The following TEX48 variants were observed in gnomAD, a reference collection of about 807,000 sequenced individuals.
The protein encoded by TEX48 is testis expressed 48.
A neutral mutation model predicts 13.2 loss-of-function variants in TEX48; 10 were observed. The ratio of observed to expected loss-of-function variants is 0.75; its 90% CI spans 0.47 to 1.28. The LOEUF (loss-of-function observed/expected upper bound fraction) is 1.28, where lower values mean the gene tolerates loss of function less well. Among genes scored for constraint, TEX48 ranks in the 50% most tolerant of loss-of-function variants. TEX48 has a pLI of 0.00. For synonymous variants in TEX48, 45 were observed against 52.3 expected, an observed-to-expected ratio of 0.86 and a Z score of 0.60; for missense variants, 116 against 139.4, an observed-to-expected ratio of 0.83 and a Z score of 0.84.
intron 1 of TEX48, among the ~76,000 whole-genome samples, chr9:114,680,454 G>A (rs1252380791): frequency 6.6e-6 from 1 of 152,150 alleles, no homozygotes; most frequent in Non-Finnish European, 1.5e-5. Flanking sequence ...GCATCATTCA[G>A]GTTCTGTTGT....
rs896118783 is a variant in TEX48 at position 114,671,581 on chromosome 9, T to G, written c.5-76A>C. On this transcript the variant is annotated intron_variant, in intron 2 of 4. Transcript: ENST00000436752. ...GATGCCTATTGGAAATTGACTGTGG[T>G]GGGGGTATCATTGGGTCAGCCTCTC... The G allele has an allele frequency of 1.4e-5, 21 of 1,529,124 alleles. No homozygotes were observed. In the Middle Eastern group the frequency reaches 6.7e-4, roughly 49 times the overall value. 94.7% of individuals were successfully genotyped at this position (1,529,124 alleles called of 1,614,324 possible). A position where few individuals can be genotyped will look rare whatever the true frequency, so the allele number is the denominator to read the frequency against.
chr9:114,666,678 A>G lies in TEX48; in HGVS notation c.328T>C (p.Trp110Arg). 6.5e-7 allele frequency: 1 copy of G among 1,535,222 alleles called. No homozygotes were observed. The part of the protein sequence containing the change: ...RNLNRYCQEH[W>R]PFQPCLTGRP ...CCAGTGAGGCATGGCTGGAATGGCC[A>G]GTGCTCCTGGCAGTAGCGGTTTAAG... Residue 110 changes from tryptophan (W) to arginine (R), a missense_variant, in exon 5 of 5, where the codon TGG (tryptophan) becomes CGG (arginine). Trp to Arg is a moderately radical substitution (Grantham distance 101). Coordinates refer to ENST00000436752, the MANE Select transcript of TEX48 (RefSeq NM_001199233.2).
intron 3 of TEX48, 126 bp downstream of exon 3, chr9:114,671,257 T>A: frequency 8.7e-7 from 1 of 1,148,214 alleles, no homozygotes. Flanking sequence ...AACACCCACC[T>A]CATTTTAAAT....
At chr9:114,673,458 T>G (rs12115811) in intron 1 of TEX48, among the ~76,000 whole-genome samples, 5,239 of 63,796 alleles carry the variant, frequency 0.082, 309 homozygotes, top group African/African-American at 0.29. Context: ...GCAAGAAGAA[T>G]AAAACTCTGT....
At chr9:114,669,777 C>G (rs1205018482) in intron 3 of TEX48, among the ~76,000 whole-genome samples, 1 of 151,994 alleles carries the variant, frequency 6.6e-6, no homozygotes, top group Non-Finnish European at 1.5e-5. Flanking sequence ...GTGGGATCTT[C>G]CCATGTTGCC....
intron 3 of TEX48, among the ~76,000 whole-genome samples, 200 bp downstream of exon 3, chr9:114,671,183 A>G (rs1827938962): frequency 6.6e-6 from 1 of 152,208 alleles, no homozygotes; most frequent in Non-Finnish European, 1.5e-5. Context: ...GCTGGCCCAT[A>G]GACTACACTT....
At chr9:114,674,636 TCC>T (rs1828024174) in intron 1 of TEX48, among the ~76,000 whole-genome samples, 1 of 135,134 alleles carries the variant, frequency 7.4e-6, no homozygotes, top group Admixed American at 7.8e-5. Flanking sequence ...CTTCCTTCCT[TCC>T]TTCCTTCCTT....
At chr9:114,671,314 C>T in intron 3 of TEX48, 69 bp downstream of exon 3, 1 of 1,505,828 alleles carries the variant, frequency 6.6e-7, no homozygotes, top group Non-Finnish European at 8.9e-7. Context: ...TGGGGGTATC[C>T]CAGCAGGCAG....
intron 1 of TEX48, among the ~76,000 whole-genome samples, chr9:114,681,439 G>C (rs2133770615): frequency 6.6e-6 from 1 of 152,268 alleles, no homozygotes; most frequent in Non-Finnish European, 1.5e-5. Context: ...GAGATCTACT[G>C]TTAGCTAGGA....
intron 1 of TEX48, among the ~76,000 whole-genome samples, chr9:114,675,231 G>T (rs1828040261): frequency 6.6e-6 from 1 of 152,188 alleles, no homozygotes; most frequent in Non-Finnish European, 1.5e-5. Context: ...GCAGTAGAGA[G>T]GTGGGTGGTA....
At chr9:114,670,480 A>T (rs1362858674) in intron 3 of TEX48, among the ~76,000 whole-genome samples, 1 of 142,320 alleles carries the variant, frequency 7.0e-6, no homozygotes, top group African/African-American at 2.6e-5. Flanking sequence ...GCTGATTTTG[A>T]CAATAGTGCT....
At chr9:114,675,318 C>G (rs1424624460) in intron 1 of TEX48, among the ~76,000 whole-genome samples, 1 of 152,192 alleles carries the variant, frequency 6.6e-6, no homozygotes, top group African/African-American at 2.4e-5. Flanking sequence ...CTGATGGTTT[C>G]ATGAGTCAAT....
intron 4 of TEX48, among the ~76,000 whole-genome samples, chr9:114,667,446 A>T (rs533544495): frequency 1.4e-4 from 21 of 152,130 alleles, no homozygotes; most frequent in African/African-American, 4.6e-4. Flanking sequence ...GTTGAACTAC[A>T]CTCAATCCAC....
At chr9:114,681,101 TTC>T (rs1828190611) in intron 1 of TEX48, among the ~76,000 whole-genome samples, 1 of 152,222 alleles carries the variant, frequency 6.6e-6, no homozygotes, top group African/African-American at 2.4e-5. Flanking sequence ...GTTATTCAAA[TTC>T]TCTTTTTCTC....
At chr9:114,673,348 G>C (rs566654070) in intron 1 of TEX48, among the ~76,000 whole-genome samples, 59 of 152,014 alleles carry the variant, frequency 3.9e-4, no homozygotes, top group Admixed American at 1.1e-3. Context: ...GCACATGCCT[G>C]TAATCCCAGC....
In TEX48 at chr9:114,671,420, A is replaced by G. The variant is rs754361450; in HGVS notation, c.90T>C (p.Val30=). ...GCTTGTGCTCCTGGGTTTGACTGGG[A>G]ACCTTGGAGTCATTGATGGCATAGG... The part of the protein sequence containing the change: ...QEPYAINDSK[V]PSQTQEHKPS... The change falls in exon 3 of 5, where the codon GTT becomes GTC. Residue 30 remains valine, a synonymous_variant. Transcript: ENST00000436752. The G allele has an allele frequency of 6.5e-7, 1 of 1,535,476 alleles. No individual in the cohort carries two copies. Among genetic ancestry groups the G allele is most frequent in the South Asian group, 1.2e-5 (1 of 84,048 alleles).
intron 3 of TEX48, 140 bp downstream of exon 3, chr9:114,671,243 A>T (rs1001813013): frequency 9.8e-7 from 1 of 1,022,538 alleles, no homozygotes; most frequent in Non-Finnish European, 1.4e-6. Context: ...GTACTTAGCC[A>T]TCCAACACCC....
intron 1 of TEX48, among the ~76,000 whole-genome samples, chr9:114,672,115 A>G (rs938156492): frequency 1.3e-5 from 2 of 152,216 alleles, no homozygotes; most frequent in African/African-American, 4.8e-5. Context: ...GAAGCTAGGT[A>G]TATGGTAAGT....
At chr9:114,678,268 A>G (rs1311864077) in intron 1 of TEX48, among the ~76,000 whole-genome samples, 4 of 152,112 alleles carry the variant, frequency 2.6e-5, no homozygotes, top group Non-Finnish European at 4.4e-5. Flanking sequence ...CTACCCACGT[A>G]TACTCCTCTT....
Sources: allele counts gnomAD v4.1 joint callset (sites outside exome capture counted in the v4.1 genomes callset), GRCh38; gene constraint gnomAD v4.1.1; transcripts MANE v1.5; gene names NCBI Gene and HGNC (gene_info 2026-07-23, HGNC 2026-07-21).